The following ARSB variants were observed in gnomAD, a reference collection of about 807,000 sequenced individuals.
ARSB encodes the protein arylsulfatase B, also known as N-acetylgalactosamine-4-sulfatase.
Under a neutral mutation model 50.9 loss-of-function variants are expected in ARSB, and 41 were observed. That is an observed-to-expected ratio of 0.81 (90% CI 0.63 to 1.04). The LOEUF is 1.04. ARSB is among the 50% of genes least tolerant of loss of function. ARSB has a pLI of 0.00. For synonymous variants in ARSB, 269 were observed against 284.8 expected (o/e 0.94, Z 0.56); for missense variants, 672 against 693.3 (o/e 0.97, Z 0.35).
At chr5:78,954,101 A>AG (rs201336169) in intron 4 of ARSB, among the ~76,000 whole-genome samples, 20 of 151,854 alleles carry the variant, frequency 1.3e-4, no homozygotes, top group Non-Finnish European at 1.9e-4. Context: ...AAAACAGGAG[A>AG]GGGAAAAAAA....
chr5:78,949,647 T>A (rs974673958), intron 4 of ARSB, among the ~76,000 whole-genome samples: 1 of 152,192 alleles, frequency 6.6e-6, no homozygotes, highest in South Asian at 2.1e-4. Flanking sequence ...TGGTGGCTCA[T>A]GACTGTAATC....
At chr5:78,909,686 G>A (rs533870198) in intron 4 of ARSB, among the ~76,000 whole-genome samples, 21 of 152,316 alleles carry the variant, frequency 1.4e-4, no homozygotes, top group Middle Eastern at 3.4e-3. Flanking sequence ...CTCTGCCCAG[G>A]AAAACTGGGT....
chr5:78,850,646 C>A (rs1424264430), intron 5 of ARSB, among the ~76,000 whole-genome samples: 1 of 152,154 alleles, frequency 6.6e-6, no homozygotes, highest in Non-Finnish European at 1.5e-5. Flanking sequence ...ACCAGTTCCT[C>A]CTTGTACCTC....
intron 5 of ARSB, chr5:78,885,355 G>T: frequency 1.6e-6 from 1 of 626,016 alleles, no homozygotes; most frequent in Non-Finnish European, 2.5e-6. Flanking sequence ...GAGGGCGATG[G>T]GCTGAGGACA....
At chr5:78,914,148 C>T (rs572792642) in intron 4 of ARSB, among the ~76,000 whole-genome samples, 21 of 151,650 alleles carry the variant, frequency 1.4e-4, no homozygotes, top group Admixed American at 7.2e-4. Flanking sequence ...ACTTTTTTTT[C>T]GAGACAGGGT....
In ARSB at chr5:78,902,554, G is replaced by A. The variant is rs1303848977; in HGVS notation, c.899-16727C>T. Among the ~76,000 whole-genome samples, 7 of 152,204 alleles carry A rather than the reference G, an allele frequency of 4.6e-5. No individual in the cohort carries two copies. The East Asian group carries it at 1.4e-3, about 29-fold the overall frequency. On this transcript the variant is annotated intron_variant, in intron 4 of 7. Transcript: ENST00000264914. The stretch of plus-strand genomic sequence containing the variant: ...TTTTAAAATGTATATTTTCAGCAAT[G>A]TATAGCAATAAAAGGGATATTATGC...
chr5:78,939,551 C>T (rs1439642822), intron 4 of ARSB, among the ~76,000 whole-genome samples: 7 of 151,970 alleles, frequency 4.6e-5, no homozygotes, highest in African/African-American at 9.7e-5. Context: ...TTTCTCTTTG[C>T]GATAGATTGC....
rs769542268 is a variant in ARSB at position 78,781,930 on chromosome 5, G to C, written c.1258C>G (p.Pro420Ala). 1.4e-5 allele frequency: 23 copies of C among 1,614,018 alleles called. No homozygotes were observed. In the Admixed American group the frequency reaches 3.8e-4, roughly 27 times the overall value. Residue 420 changes from proline to alanine, a missense_variant, in exon 7 of 8, where the codon CCA (proline) becomes GCA (alanine). Transcript: ENST00000264914. ...GATGTGTTAAAGGCTGAATATTCTG[G>C]AAGAGAAGAGTCATCCTTTGCTGGA... The part of the protein sequence containing the change: ...MAPAKDDSSL[P>A]EYSAFNTSVH...
At chr5:78,785,103 T>C (rs1749043234) in intron 6 of ARSB, among the ~76,000 whole-genome samples, 1 of 152,188 alleles carries the variant, frequency 6.6e-6, no homozygotes, top group Non-Finnish European at 1.5e-5. Flanking sequence ...TGGCCTGATT[T>C]TATTGGTCTT....
chr5:78,845,107 G>A (rs778865578), intron 5 of ARSB, among the ~76,000 whole-genome samples: 6 of 151,564 alleles, frequency 4.0e-5, no homozygotes, highest in Admixed American at 6.6e-5. Context: ...ACGTTTTTTA[G>A]CTTCCATGTA....
intron 5 of ARSB, among the ~76,000 whole-genome samples, chr5:78,849,069 A>C (rs1405280210): frequency 6.6e-6 from 1 of 152,164 alleles, no homozygotes; most frequent in Non-Finnish European, 1.5e-5. Context: ...CTTTAGTTTA[A>C]TTAGATCCCA....
chr5:78,816,154 A>T, intron 6 of ARSB: 1 of 1,614,084 alleles, frequency 6.2e-7, no homozygotes, highest in Admixed American at 1.7e-5. Context: ...AGATATACAG[A>T]TTTCTCAGGG....
At chr5:78,868,265 CA>C (rs1746914969) in intron 5 of ARSB, among the ~76,000 whole-genome samples, 1 of 127,794 alleles carries the variant, frequency 7.8e-6, no homozygotes, top group South Asian at 2.8e-4. Context: ...AGAACTTCCC[CA>C]ATCTAGCAAG....
At chr5:78,810,737 C>T (rs942491432) in intron 6 of ARSB, among the ~76,000 whole-genome samples, 21 of 152,214 alleles carry the variant, frequency 1.4e-4, no homozygotes, top group Non-Finnish European at 2.5e-4. Context: ...GTGAGTTAAA[C>T]ATCTTTAGGA....
At chr5:78,967,803 C>A (rs1752267782) in intron 2 of ARSB, among the ~76,000 whole-genome samples, 1 of 151,986 alleles carries the variant, frequency 6.6e-6, no homozygotes, top group Non-Finnish European at 1.5e-5. Flanking sequence ...ATTATTTAAT[C>A]CTGTTTAAAC....
intron 4 of ARSB, among the ~76,000 whole-genome samples, chr5:78,938,306 A>G (rs896425441): frequency 6.6e-6 from 1 of 152,234 alleles, no homozygotes; most frequent in South Asian, 2.1e-4. Flanking sequence ...ATTACTAATA[A>G]AATTTTAAAG....
chr5:78,813,706 G>A (rs1743895941), intron 6 of ARSB, among the ~76,000 whole-genome samples: 1 of 152,006 alleles, frequency 6.6e-6, no homozygotes, highest in Non-Finnish European at 1.5e-5. Context: ...GCAGTGAGCC[G>A]AGAGGATGCC....
chr5:78,806,471 C>A (rs1743568431), intron 6 of ARSB, among the ~76,000 whole-genome samples: 1 of 152,212 alleles, frequency 6.6e-6, no homozygotes, highest in Admixed American at 6.5e-5. Context: ...TGGACTGGCA[C>A]TTCTCATCTG....
Position 78,780,589 on chromosome 5 carries a change from C to A in ARSB, c.1410G>T (p.Lys470Asn). Residue 470 changes from lysine to asparagine, a missense_variant, in exon 8 of 8, where the codon AAG (lysine) becomes AAT (asparagine). Coordinates refer to ENST00000264914, the MANE Select transcript of ARSB (RefSeq NM_000046.5). ...GATCAATATCAAAGAGCCAGAGGGT[C>A]TTGGTTGGTGGGTCTGATGAGGGTA... ...SEIPSSDPPT[K>N]TLWLFDIDRD... 4 of 1,614,074 alleles carry A rather than the reference C, an allele frequency of 2.5e-6. No homozygotes were observed. The highest frequency in any genetic ancestry group is 3.4e-6 in the Non-Finnish European group (4 of 1,179,998).
Sources: allele counts gnomAD v4.1 joint callset (sites outside exome capture counted in the v4.1 genomes callset), GRCh38; gene constraint gnomAD v4.1.1; transcripts MANE v1.5; gene names NCBI Gene and HGNC (gene_info 2026-07-23, HGNC 2026-07-21).